The following SNX11 variants were observed in gnomAD, a reference collection of about 807,000 sequenced individuals.
SNX11 encodes the protein sorting nexin-11.
In SNX11, 19 loss-of-function variants were observed where a neutral mutation model predicts 30.7. The observed-to-expected ratio is 0.62, with a 90% CI of 0.43 to 0.91. The LOEUF (loss-of-function observed/expected upper bound fraction) is 0.91. SNX11 is among the 40% of genes least tolerant of loss of function. The pLI is 0.00. For missense variants in SNX11, 302 were observed against 326.7 expected, an observed-to-expected ratio of 0.92 and a Z score of 0.58; for synonymous variants, 112 against 119.0, an observed-to-expected ratio of 0.94 and a Z score of 0.38.
chr17:48,120,288 C>T (rs2063586022), intron 6 of SNX11, among the ~76,000 whole-genome samples: 1 of 145,302 alleles, frequency 6.9e-6, no homozygotes, highest in African/African-American at 2.6e-5. Context: ...CTCACTGCAA[C>T]CTCCGCCTCC....
Position 48,121,761 on chromosome 17 carries a change from ACT to A in SNX11, c.*257_*258del. The A allele has an allele frequency of 2.1e-6, 1 of 468,756 alleles. No individual in the cohort carries two copies. The allele number at this position is 468,756 out of a possible 1,614,324, so 29.0% of individuals were successfully genotyped here. On this transcript the variant is annotated 3_prime_UTR_variant, in exon 7 of 7. Coordinates refer to ENST00000359238, the MANE Select transcript of SNX11 (RefSeq NM_013323.3). ...TTGCTTTTGAACAGAACCCTATATT[ACT>A]CTCCTGGGATCTGAGTTTCTGCAGG...
At chr17:48,111,072 G>C (rs1411497011) in intron 1 of SNX11, 11 of 985,022 alleles carry the variant, frequency 1.1e-5, no homozygotes, top group Non-Finnish European at 1.3e-5. Flanking sequence ...GTCGACCTGT[G>C]CAGCTGTGGG....
At chr17:48,118,019 G>A (rs191427883) in intron 4 of SNX11, among the ~76,000 whole-genome samples, 1 of 152,100 alleles carries the variant, frequency 6.6e-6, no homozygotes, top group East Asian at 1.9e-4. Context: ...AGAGCAGCTT[G>A]GAAAGCAATA....
chr17:48,120,745 C>T (rs940981945), intron 6 of SNX11, among the ~76,000 whole-genome samples: 2 of 150,714 alleles, frequency 1.3e-5, no homozygotes, highest in South Asian at 2.1e-4. Context: ...CTCCTGACCT[C>T]GTGATCTGCC....
At chr17:48,113,156 G>C in intron 3 of SNX11, 145 bp from the exon 4 acceptor site, 2 of 631,234 alleles carry the variant, frequency 3.2e-6, no homozygotes, top group South Asian at 1.8e-5. Flanking sequence ...GGGCTGCCTG[G>C]TGGCACCTTG....
At chr17:48,113,265 A>C (rs763096159) in intron 3 of SNX11, 36 bp from the exon 4 acceptor site, 1 of 1,539,440 alleles carries the variant, frequency 6.5e-7, no homozygotes, top group Non-Finnish European at 9.0e-7. Context: ...TTTCCACTAA[A>C]CCCTTTTCAT....
At chr17:48,116,919 G>A (rs1310635187) in intron 4 of SNX11, among the ~76,000 whole-genome samples, 2 of 148,712 alleles carry the variant, frequency 1.3e-5, no homozygotes, top group Non-Finnish European at 3.0e-5. Flanking sequence ...GCAGGCTGGA[G>A]TGTTTGCAGT....
At chr17:48,108,671 A>T (rs1232564459) in intron 1 of SNX11, among the ~76,000 whole-genome samples, 1 of 152,240 alleles carries the variant, frequency 6.6e-6, no homozygotes, top group Non-Finnish European at 1.5e-5. Context: ...GAAACTTCAG[A>T]TGTGGTTGAA....
In SNX11 at chr17:48,113,414, T is replaced by C; in HGVS notation, c.230+13T>C. ...ATGCTGGTTTGGTGTGAGTTTGCTCTTGCTTCCTTCTTGGGTCTGTGACTG... is the reference window on the plus strand; with the variant it reads ...ATGCTGGTTTGGTGTGAGTTTGCTCCTGCTTCCTTCTTGGGTCTGTGACTG... On this transcript the variant is annotated intron_variant, in intron 4 of 6. Transcript: ENST00000359238. 1.2e-6 allele frequency: 2 copies of C among 1,602,920 alleles called. No individual in the cohort carries two copies. Among genetic ancestry groups the C allele is most frequent in the Non-Finnish European group, 1.7e-6 (2 of 1,170,028 alleles).
chr17:48,112,325 G>A (rs2144507499), intron 2 of SNX11: 3 of 626,866 alleles, frequency 4.8e-6, no homozygotes, highest in Non-Finnish European at 8.6e-6. Context: ...AGCTTCATGG[G>A]GGCAGGCACT....
Position 48,121,575 on chromosome 17 carries a change from G to A in SNX11, c.*67G>A, listed in dbSNP as rs1057388841. The stretch of plus-strand genomic sequence containing the variant: ...CAGGAGACTTACTCAGGTGGGACTG[G>A]GCACAGGGCAGGTATGTGGGAGGCT... On this transcript the variant is annotated 3_prime_UTR_variant, in exon 7 of 7. Transcript: ENST00000359238. The A allele has an allele frequency of 6.4e-7, 1 of 1,551,698 alleles. No individual in the cohort carries two copies. Among genetic ancestry groups the A allele is most frequent in the Admixed American group, 1.7e-5 (1 of 57,364 alleles).
intron 4 of SNX11, among the ~76,000 whole-genome samples, chr17:48,117,557 G>GT (rs972771953): frequency 1.2e-3 from 169 of 143,864 alleles, no homozygotes; most frequent in East Asian, 5.8e-3. Flanking sequence ...GCGCCTGGCT[G>GT]TTTTTTTTTT....
chr17:48,113,395 G>A lies in SNX11; in HGVS notation c.224G>A (p.Gly75Asp), dbSNP rs747691853. 8.7e-6 allele frequency: 14 copies of A among 1,613,152 alleles called. No homozygotes were observed. The South Asian group carries it at 1.5e-4, about 18-fold the overall frequency. The change falls in exon 4 of 7, where the codon GGT (glycine) becomes GAT (aspartate). Residue 75 changes from glycine (G) to aspartate (D), a missense_variant. Gly to Asp is a moderately conservative substitution (Grantham distance 94). Coordinates refer to ENST00000359238, the MANE Select transcript of SNX11 (RefSeq NM_013323.3). ...AGAAAGCAGCTACAGAGAAATGCTG[G>A]TTTGGTGTGAGTTTGCTCTTGCTTC... ...WLRKQLQRNA[G>D]LVPVPELPGK...
Position 48,116,798 on chromosome 17 carries a change from C to A in SNX11, c.231-1906C>A, listed in dbSNP as rs542303715. Among the ~76,000 whole-genome samples the A allele has an allele frequency of 6.6e-5, 10 of 151,322 alleles. No individual in the cohort carries two copies. The South Asian group carries it at 2.1e-3, about 32-fold the overall frequency. On this transcript the variant is annotated intron_variant, in intron 4 of 6. Coordinates refer to ENST00000359238, the MANE Select transcript of SNX11 (RefSeq NM_013323.3). The stretch of plus-strand genomic sequence containing the variant: ...GGTCAGGCTGGTCTCCAACTCCTGA[C>A]CTCATGATCTACGTGCCTTGTCCTC...
chr17:48,115,912 T>G (rs1041796085), intron 4 of SNX11, among the ~76,000 whole-genome samples: 1 of 140,026 alleles, frequency 7.1e-6, no homozygotes, highest in Admixed American at 7.1e-5. Flanking sequence ...GCCTGGCCTG[T>G]TTTTTTTTTG....
chr17:48,117,592 A>C (rs1170878476), intron 4 of SNX11, among the ~76,000 whole-genome samples: 1 of 149,838 alleles, frequency 6.7e-6, no homozygotes, highest in East Asian at 2.0e-4. Context: ...AGGTTTCACC[A>C]TGTCGCCCAA....
chr17:48,111,783 C>T (rs2063495231), intron 1 of SNX11, among the ~76,000 whole-genome samples: 1 of 152,106 alleles, frequency 6.6e-6, no homozygotes, highest in Non-Finnish European at 1.5e-5. Flanking sequence ...CTCCAACACG[C>T]TTTGGGGAGA....
At chr17:48,115,357 C>T (rs759347461) in intron 4 of SNX11, among the ~76,000 whole-genome samples, 39 of 152,164 alleles carry the variant, frequency 2.6e-4, no homozygotes, top group Non-Finnish European at 4.6e-4. Flanking sequence ...CCACCGCACC[C>T]GGCCAGATAT....
rs867217834 is a variant in SNX11, at chr17:48,123,229, A to G, written c.*1721A>G. 6.6e-6 allele frequency among the ~76,000 whole-genome samples: 1 copy of G among 152,174 alleles called. No homozygotes were observed. The highest frequency in any genetic ancestry group is 1.5e-5 in the Non-Finnish European group (1 of 68,026). ...AAAAGGGGAAAAAAACTCCATGTGCAACCCTCACAAAAACCCGACAGATGC... is the reference window on the plus strand; with the variant it reads ...AAAAGGGGAAAAAAACTCCATGTGCGACCCTCACAAAAACCCGACAGATGC... On this transcript the variant is annotated 3_prime_UTR_variant, in exon 7 of 7. Transcript: ENST00000359238.
Sources: allele counts gnomAD v4.1 joint callset (sites outside exome capture counted in the v4.1 genomes callset), GRCh38; gene constraint gnomAD v4.1.1; transcripts MANE v1.5; gene names NCBI Gene and HGNC (gene_info 2026-07-23, HGNC 2026-07-21).